MTAP: variants seen among roughly 807,000 people sequenced by gnomAD.
MTAP encodes methylthioadenosine phosphorylase.
In MTAP, 33 loss-of-function variants were observed where a neutral mutation model predicts 33.6. The ratio of observed to expected loss-of-function variants is 0.98; its 90% confidence interval spans 0.74 to 1.31. The LOEUF is 1.31. Among genes scored for constraint, MTAP ranks in the 40% most tolerant of loss-of-function variants. MTAP has a pLI of 0.00. For synonymous variants in MTAP, 148 were observed against 125.7 expected (o/e 1.18, Z -1.19); for missense variants, 367 against 360.0 (o/e 1.02, Z -0.16).
intron 2 of MTAP, among the ~76,000 whole-genome samples, 191 bp from the exon 3 acceptor site, chr9:21,816,522 TG>T (rs1478852306): frequency 6.6e-6 from 1 of 152,214 alleles, no homozygotes; most frequent in African/African-American, 2.4e-5. Flanking sequence ...TTGAGTCCTG[TG>T]AATCTATGCC....
At chr9:21,924,280 C>T (rs1359517807) in intron 1 of MTAP, among the ~76,000 whole-genome samples, 1 of 152,010 alleles carries the variant, frequency 6.6e-6, no homozygotes, top group South Asian at 2.1e-4. Context: ...AATCACATCT[C>T]CCTACTACAG....
intron 4 of MTAP, among the ~76,000 whole-genome samples, chr9:21,829,443 T>C (rs1824912525): frequency 6.6e-6 from 1 of 152,010 alleles, no homozygotes; most frequent in African/African-American, 2.4e-5. Context: ...TGTTTGTTTT[T>C]TTGAGACAGT....
intron 1 of MTAP, among the ~76,000 whole-genome samples, chr9:21,919,236 G>C (rs1818745010): frequency 1.3e-5 from 2 of 152,048 alleles, no homozygotes; most frequent in Admixed American, 6.6e-5. Context: ...ATAAAAATAT[G>C]AATTAACAAA....
chr9:21,814,264 A>G (rs1194306753), intron 1 of MTAP, among the ~76,000 whole-genome samples: 1 of 152,056 alleles, frequency 6.6e-6, no homozygotes, highest in Non-Finnish European at 1.5e-5. Flanking sequence ...CCATTTTTTT[A>G]CGTGTTGATA....
chr9:21,867,403 A>G (rs1206771023), downstream of MTAP, among the ~76,000 whole-genome samples: 7 of 152,166 alleles, frequency 4.6e-5, no homozygotes, highest in East Asian at 1.3e-3. Context: ...AATTTCACCA[A>G]GTACTTTTTC....
intron 1 of MTAP, among the ~76,000 whole-genome samples, chr9:21,917,853 C>G (rs947807105): frequency 6.6e-6 from 1 of 152,034 alleles, no homozygotes; most frequent in Non-Finnish European, 1.5e-5. Context: ...GCCCATCGAC[C>G]GAGTTGATAA....
chr9:21,859,725 G>C, intron 7 of MTAP: 1 of 215,688 alleles, frequency 4.6e-6, no homozygotes, highest in Non-Finnish European at 9.1e-6. Context: ...AAGATTGATA[G>C]TGCTTTCTCT....
intron 1 of MTAP, among the ~76,000 whole-genome samples, chr9:21,813,294 G>A (rs1380976556): frequency 6.6e-6 from 1 of 152,204 alleles, no homozygotes; most frequent in Non-Finnish European, 1.5e-5. Context: ...GTAAACAACT[G>A]GACCTAGTAA....
chr9:21,815,537 G>A lies in MTAP; in HGVS notation c.120+18G>A, dbSNP rs1344671240. 2 of 1,505,050 alleles carry A rather than the reference G, an allele frequency of 1.3e-6. No homozygotes were observed. The highest frequency in any genetic ancestry group is 1.7e-5 in the Admixed American group (1 of 57,342). 93.2% of individuals were successfully genotyped at this position (1,505,050 alleles called of 1,614,324 possible). On this transcript the variant is annotated intron_variant, in intron 2 of 7. Transcript: ENST00000644715. ...TTGGCAAGGTTAATATCCAACTTGT[G>A]GAGACATGTTTTTTAGTTTTTTCAT...
At chr9:21,911,116 C>G (rs569234559) in intron 1 of MTAP, among the ~76,000 whole-genome samples, 1 of 152,286 alleles carries the variant, frequency 6.6e-6, no homozygotes, top group East Asian at 1.9e-4. Context: ...TACAGGAGCA[C>G]TCAGATTCAT....
intron 1 of MTAP, among the ~76,000 whole-genome samples, chr9:21,902,141 A>G (rs1450152463): frequency 2.0e-5 from 3 of 152,226 alleles, no homozygotes; most frequent in African/African-American, 7.2e-5. Flanking sequence ...ACTAGGAAGA[A>G]CTGAAGTAGA....
intron 1 of MTAP, among the ~76,000 whole-genome samples, chr9:21,888,312 T>A (rs756149087): frequency 1.3e-5 from 2 of 152,206 alleles, no homozygotes; most frequent in Non-Finnish European, 2.9e-5. Flanking sequence ...TTGGGTAGAA[T>A]GCTCTGTAAA....
At chr9:21,902,238 G>C (rs896339022) in intron 1 of MTAP, among the ~76,000 whole-genome samples, 2 of 152,196 alleles carry the variant, frequency 1.3e-5, no homozygotes, top group African/African-American at 4.8e-5. Flanking sequence ...CAGTTCCACA[G>C]ATACTACCAT....
In MTAP at chr9:21,819,137, C is replaced by CTT. The variant is rs35010416; in HGVS notation, c.347+948_347+949dup. Among the ~76,000 whole-genome samples the CTT allele has an allele frequency of 1.6e-3, 228 of 144,434 alleles. 1 individual carries two copies. The highest frequency in any genetic ancestry group is 3.8e-3 in the African/African-American group (148 of 39,018). 94.8% of individuals were successfully genotyped at this position (144,434 alleles called of 152,430 possible). On this transcript the variant is annotated intron_variant, in intron 4 of 7. Coordinates refer to ENST00000644715, the MANE Select transcript of MTAP (RefSeq NM_002451.4). ...CTGTTGTGTATATATACCACATTTTCTTTTTTTTTTTTTTAATTGTACTTT... is the reference window on the plus strand; with the variant it reads ...CTGTTGTGTATATATACCACATTTTCTTTTTTTTTTTTTTTTAATTGTACTTT...
At chr9:21,856,251 T>C in intron 6 of MTAP, 1 of 834,696 alleles carries the variant, frequency 1.2e-6, no homozygotes, top group South Asian at 5.5e-5. Context: ...AGAGGCCTAA[T>C]ATTGTACCAC....
At chr9:21,810,178 T>G (rs1824310400) in intron 1 of MTAP, among the ~76,000 whole-genome samples, 1 of 152,156 alleles carries the variant, frequency 6.6e-6, no homozygotes, top group South Asian at 2.1e-4. Context: ...AAGTCCAAGA[T>G]CAAGGTGAGA....
At chr9:21,883,391 A>G (rs1364179157) in intron 1 of MTAP, among the ~76,000 whole-genome samples, 1 of 152,128 alleles carries the variant, frequency 6.6e-6, no homozygotes, top group Non-Finnish European at 1.5e-5. Context: ...AGTTTGGGCA[A>G]AGATGTGGAG....
chr9:21,840,303 T>C (rs1825212744), intron 5 of MTAP, among the ~76,000 whole-genome samples: 1 of 151,818 alleles, frequency 6.6e-6, no homozygotes, highest in African/African-American at 2.4e-5. Flanking sequence ...GGAGACACTA[T>C]GATCTTTTGT....
chr9:21,900,399 C>T (rs1818371594), intron 1 of MTAP, among the ~76,000 whole-genome samples: 1 of 152,106 alleles, frequency 6.6e-6, no homozygotes, highest in Non-Finnish European at 1.5e-5. Flanking sequence ...ATGCAGCCAA[C>T]AAGCATATGA....
Sources: gnomAD v4.1 joint callset for allele counts (sites outside exome capture counted in the v4.1 genomes callset) on GRCh38, gnomAD v4.1.1 for gene constraint, MANE v1.5 for transcripts, NCBI Gene and HGNC (gene_info 2026-07-23, HGNC 2026-07-21) for gene names.